The following CXorf58 variants were observed in gnomAD, a reference collection of about 807,000 sequenced individuals.
CXorf58 encodes the protein uncharacterized protein CXorf58.
A neutral mutation model predicts 26.0 loss-of-function variants in CXorf58; 24 were observed. The observed-to-expected ratio is 0.92, with a 90% confidence interval of 0.67 to 1.30. CXorf58 has a LOEUF of 1.30. Ranked by LOEUF, CXorf58 falls within the 50% of genes most tolerant of loss-of-function variation. The probability of loss-of-function intolerance (pLI) is 0.00; values close to 1 mark genes in which losing one functional copy is unlikely to be tolerated. For synonymous variants in CXorf58, 87 were observed against 86.1 expected (o/e 1.01, Z -0.06); for missense variants, 236 against 263.9 (o/e 0.89, Z 0.73).
chrX:23,929,500 C>G (rs1420365428), intron 6 of CXorf58, among the ~76,000 whole-genome samples: 1 of 111,298 alleles, frequency 9.0e-6, no homozygotes, highest in Non-Finnish European at 1.9e-5. Context: ...CCTTAACTCT[C>G]TTCAATTCTA....
intron 5 of CXorf58, among the ~76,000 whole-genome samples, chrX:23,917,654 G>A (rs2147067698): frequency 9.0e-6 from 1 of 110,504 alleles, no homozygotes; most frequent in South Asian, 3.9e-4. Context: ...CTGACCTCAG[G>A]TGATTCGCCC....
chrX:23,916,099 C>T (rs1927712327), intron 4 of CXorf58, 118 bp from the exon 5 acceptor site: 2 of 457,164 alleles, frequency 4.4e-6, no homozygotes, highest in African/African-American at 2.5e-5. Flanking sequence ...TTTACATGCT[C>T]TGACATAGCC....
At chrX:23,917,832 CTTTAT>C (rs777404800) in intron 5 of CXorf58, among the ~76,000 whole-genome samples, 1 of 111,139 alleles carries the variant, frequency 9.0e-6, no homozygotes, top group Middle Eastern at 4.7e-3. Context: ...ATAAACCACA[CTTTAT>C]TTTATTTTAT....
intron 5 of CXorf58, among the ~76,000 whole-genome samples, chrX:23,920,259 C>T (rs1052704359): frequency 4.4e-5 from 5 of 112,801 alleles, no homozygotes; most frequent in African/African-American, 1.6e-4. Context: ...CAAGGCTCTA[C>T]AGTACAGGTT....
chrX:23,910,991 C>T (rs975068000), intron 2 of CXorf58, among the ~76,000 whole-genome samples: 9 of 110,116 alleles, frequency 8.2e-5, no homozygotes, highest in African/African-American at 2.3e-4. Flanking sequence ...GTCTCGATCT[C>T]CTGGCCTCAG....
intron 5 of CXorf58, among the ~76,000 whole-genome samples, chrX:23,921,008 C>T (rs758010296): frequency 9.0e-6 from 1 of 110,619 alleles, no homozygotes; most frequent in East Asian, 2.8e-4. Context: ...TATGTTTATC[C>T]TACTTGAAGG....
chrX:23,933,937 C>T (rs1928230530), intron 6 of CXorf58, among the ~76,000 whole-genome samples: 1 of 108,590 alleles, frequency 9.2e-6, no homozygotes, highest in African/African-American at 3.4e-5. Context: ...GTCCCAGCTA[C>T]TCAGGAGGAT....
At chrX:23,925,866 G>A (rs2147073180) in intron 5 of CXorf58, among the ~76,000 whole-genome samples, 1 of 94,033 alleles carries the variant, frequency 1.1e-5, no homozygotes, top group African/African-American at 4.2e-5. Flanking sequence ...TCGGCTCACT[G>A]CAACCTCCGC....
chrX:23,933,834 C>T (rs1317387110), intron 6 of CXorf58, among the ~76,000 whole-genome samples: 3 of 109,189 alleles, frequency 2.7e-5, no homozygotes, highest in Non-Finnish European at 5.7e-5. Flanking sequence ...GAGCCGAGAT[C>T]GTGTCACTGA....
At chrX:23,920,267 G>A (rs941368927) in intron 5 of CXorf58, among the ~76,000 whole-genome samples, 2 of 112,598 alleles carry the variant, frequency 1.8e-5, no homozygotes, top group East Asian at 5.5e-4. Flanking sequence ...TACAGTACAG[G>A]TTTTACTCCT....
rs181476606 is a variant in CXorf58, at chrX:23,921,688, G to A, written c.423+5360G>A. 6.6e-3 allele frequency among the ~76,000 whole-genome samples: 727 copies of A among 110,406 alleles called. 7 individuals are homozygous for A. The highest frequency in any genetic ancestry group is 0.011 in the Non-Finnish European group (564 of 52,813). On this transcript the variant is annotated intron_variant, in intron 5 of 8. Transcript: ENST00000379211. ...TTTGTTTTTTGTGTTTTTGTTTTTTGTTGTTGTTGTTGTTGTTTTTTAGAC... is the reference window on the plus strand; with the variant it reads ...TTTGTTTTTTGTGTTTTTGTTTTTTATTGTTGTTGTTGTTGTTTTTTAGAC...
In CXorf58 at chrX:23,915,707, A is replaced by G. The variant is rs376953518; in HGVS notation, c.224A>G (p.Tyr75Cys). Reference sequence around the variant, plus strand: ...CACTGTCCTTTATTTCAGGAATTCTATGTAACACATGAAATACTGAAGAAA... The same window carrying G: ...CACTGTCCTTTATTTCAGGAATTCTGTGTAACACATGAAATACTGAAGAAA... ...LKHAICAAEF[Y>C]VTHEILKKVA... Residue 75 changes from tyrosine to cysteine, a missense_variant, in exon 4 of 9, where the codon TAT (tyrosine) becomes TGT (cysteine). Physicochemically the swap from Tyr to Cys is radical, Grantham distance 194. Coordinates refer to ENST00000379211, the MANE Select transcript of CXorf58 (RefSeq NM_152761.3). 34 of 1,163,605 alleles carry G rather than the reference A, an allele frequency of 2.9e-5. No homozygotes were observed. Among genetic ancestry groups the G allele is most frequent in the Non-Finnish European group, 3.5e-5 (30 of 853,945 alleles).
At chrX:23,921,814 T>G (rs1039583368) in intron 5 of CXorf58, among the ~76,000 whole-genome samples, 1 of 110,325 alleles carries the variant, frequency 9.1e-6, no homozygotes, top group Non-Finnish European at 1.9e-5. Flanking sequence ...TTCTCATGTC[T>G]TAGCCAGCTG....
intron 5 of CXorf58, among the ~76,000 whole-genome samples, chrX:23,921,201 G>A (rs1163498876): frequency 9.0e-6 from 1 of 111,433 alleles, no homozygotes; most frequent in African/African-American, 3.3e-5. Context: ...TAGAGGCAGT[G>A]ATTGGAAATC....
chrX:23,925,560 C>T (rs1927984204), intron 5 of CXorf58, among the ~76,000 whole-genome samples: 1 of 108,807 alleles, frequency 9.2e-6, no homozygotes, highest in African/African-American at 3.3e-5. Flanking sequence ...GTTTGCCAGG[C>T]TGATCTCGAA....
At chrX:23,929,089 T>G (rs1928086893) in intron 6 of CXorf58, among the ~76,000 whole-genome samples, 1 of 111,433 alleles carries the variant, frequency 9.0e-6, no homozygotes, top group African/African-American at 3.3e-5. Context: ...ATAGCCTCAT[T>G]GCTGATATGG....
intron 6 of CXorf58, among the ~76,000 whole-genome samples, chrX:23,934,667 CACCCATTA>C (rs1252294380): frequency 9.0e-6 from 1 of 111,144 alleles, no homozygotes; most frequent in Non-Finnish European, 1.9e-5. Context: ...TGGTGTGCTG[CACCCATTA>C]ACTCGTCATT....
At chrX:23,937,326 G>T (rs1018928437) in intron 7 of CXorf58, among the ~76,000 whole-genome samples, 1 of 111,617 alleles carries the variant, frequency 9.0e-6, no homozygotes, top group African/African-American at 3.3e-5. Context: ...ACACCCATCA[G>T]TCATTGGTTA....
intron 5 of CXorf58, among the ~76,000 whole-genome samples, chrX:23,919,545 T>C (rs1927811164): frequency 8.9e-6 from 1 of 112,579 alleles, no homozygotes; most frequent in African/African-American, 3.2e-5. Context: ...TTTGTTTTTT[T>C]ACGTCAGAAC....
Sources: allele counts gnomAD v4.1 joint callset (sites outside exome capture counted in the v4.1 genomes callset), GRCh38; gene constraint gnomAD v4.1.1; transcripts MANE v1.5; gene names NCBI Gene and HGNC (gene_info 2026-07-23, HGNC 2026-07-21).